Variants in PHACTR2 observed in about 807,000 individuals in gnomAD.
PHACTR2 encodes chromosome 6 open reading frame 56.
In PHACTR2, 30 loss-of-function variants were observed where a neutral mutation model predicts 76.0. The ratio of observed to expected loss-of-function variants is 0.39; its 90% CI spans 0.30 to 0.54. The LOEUF (loss-of-function observed/expected upper bound fraction) is 0.54. PHACTR2 is among the 20% of genes least tolerant of loss of function. PHACTR2 has a pLI of 0.61. For missense variants in PHACTR2, 696 were observed against 781.1 expected (o/e 0.89, Z 1.30); for synonymous variants, 292 against 292.5 (o/e 1.00, Z 0.02).
rs1323463283 is a variant in PHACTR2 at position 143,774,500 on chromosome 6, G to T, written c.1589+285G>T. 6.6e-6 allele frequency among the ~76,000 whole-genome samples: 1 copy of T among 152,170 alleles called. No individual in the cohort carries two copies. Among genetic ancestry groups the T allele is most frequent in the Non-Finnish European group, 1.5e-5 (1 of 68,026 alleles). ...CTTTGCTGGCCAGACAGTCTCTGTT[G>T]CAGCTACTCAACTGCGCTGCTGTAG... is the stretch of plus-strand genomic sequence containing the variant. On this transcript the variant is annotated intron_variant, in intron 8 of 12. Transcript: ENST00000440869. This position sits in a 1 kb window ranked among gnomAD's most constrained non-coding sequence, Gnocchi z 5.4.
chr6:143,676,570 C>T (rs928308703), upstream of PHACTR2, among the ~76,000 whole-genome samples: 3 of 152,074 alleles, frequency 2.0e-5, no homozygotes, highest in Non-Finnish European at 4.4e-5. This position sits in a 1 kb window ranked among gnomAD's most constrained non-coding sequence, Gnocchi z 4.8. Flanking sequence ...CTTACGGCAA[C>T]TCAAAGCAAA....
intron 1 of PHACTR2, among the ~76,000 whole-genome samples, chr6:143,614,268 G>A (rs1214307481): frequency 6.6e-6 from 1 of 152,086 alleles, no homozygotes; most frequent in Non-Finnish European, 1.5e-5. Flanking sequence ...TCCTGTGGGT[G>A]CTAATATTTG....
chr6:143,661,211 A>G (rs1776941474), intron 1 of PHACTR2, among the ~76,000 whole-genome samples: 1 of 152,246 alleles, frequency 6.6e-6, no homozygotes, highest in Admixed American at 6.5e-5. Context: ...TCACAGACCC[A>G]GGTGAGAAAT....
rs1451880635 is a variant in PHACTR2 at position 143,558,079 on chromosome 6, T to A, written c.217+20872T>A. The A allele has an allele frequency of 6.6e-6, 1 of 152,130 alleles. No individual in the cohort carries two copies. The highest frequency in any genetic ancestry group is 1.5e-5 in the Non-Finnish European group (1 of 68,038). 9.4% of individuals were successfully genotyped at this position (152,130 alleles called of 1,614,324 possible). A position where few individuals can be genotyped will look rare whatever the true frequency, so the allele number is the denominator to read the frequency against. On this transcript the variant is annotated intron_variant, in intron 1 of 11. Coordinates refer to the PHACTR2 transcript ENST00000367584. This position sits in a 1 kb window ranked among gnomAD's most constrained non-coding sequence, Gnocchi z 4.7. Reference sequence around the variant, plus strand: ...ATCCCACATGCTGCCTGGGAGCTTCTTCCTTGTCACCTAAGGTCCCTTATG... The same window carrying A: ...ATCCCACATGCTGCCTGGGAGCTTCATCCTTGTCACCTAAGGTCCCTTATG...
chr6:143,748,920 G>A, intron 2 of PHACTR2, 65 bp from the exon 3 acceptor site: 1 of 847,180 alleles, frequency 1.2e-6, no homozygotes, highest in Admixed American at 2.1e-5. Context: ...ATTCTACTTG[G>A]AATGTTTTTC....
rs9403502 is a variant in PHACTR2, at chr6:143,537,969, C to G, written c.217+762C>G. Among the ~76,000 whole-genome samples the G allele has an allele frequency of 0.11, 16,756 of 152,234 alleles. 1,142 individuals carry two copies. The highest frequency in any genetic ancestry group is 0.18 in the East Asian group (950 of 5,162). ...TACTAAAAATACAAAAAATTAGCCG[C>G]CGAGGCGGCGCATGCCTGTAGTCCT... is the stretch of plus-strand genomic sequence containing the variant. On this transcript the variant is annotated intron_variant, in intron 1 of 11. Transcript: ENST00000367584. This position sits in a 1 kb window ranked among gnomAD's most constrained non-coding sequence, Gnocchi z 4.4.
intron 1 of PHACTR2, among the ~76,000 whole-genome samples, chr6:143,609,510 T>TA (rs1775944267): frequency 6.6e-6 from 1 of 152,168 alleles, no homozygotes; most frequent in Non-Finnish European, 1.5e-5. Flanking sequence ...GTATATGGAT[T>TA]ATACCCCCAT....
chr6:143,652,914 C>G lies in PHACTR2; in HGVS notation c.13+44592C>G, dbSNP rs1314252867. The stretch of plus-strand genomic sequence containing the variant: ...CATGGTCCCTGTGCAGGCACTGCAC[C>G]CAGCACCTTCTCAGGAACATTCACA... On this transcript the variant is annotated intron_variant, in intron 1 of 11. Transcript: ENST00000305766. This position sits in a 1 kb window ranked among gnomAD's most constrained non-coding sequence, Gnocchi z 4.5. 1.3e-5 allele frequency among the ~76,000 whole-genome samples: 2 copies of G among 152,182 alleles called. No homozygotes were observed. Among genetic ancestry groups the G allele is most frequent in the Non-Finnish European group, 2.9e-5 (2 of 68,044 alleles).
intron 1 of PHACTR2, among the ~76,000 whole-genome samples, chr6:143,643,978 C>T (rs1776610676): frequency 6.6e-6 from 1 of 152,150 alleles, no homozygotes; most frequent in African/African-American, 2.4e-5. Flanking sequence ...GAAGAAGCAT[C>T]TGCCTACCCC....
At position 143,795,157 on chromosome 6, in the gene PHACTR2, T is replaced by A. The variant is rs11756208; in HGVS notation, c.1845+6247T>A. Among the ~76,000 whole-genome samples the A allele has an allele frequency of 6.6e-6, 1 of 152,068 alleles. No individual in the cohort carries two copies. Among genetic ancestry groups the A allele is most frequent in the African/African-American group, 2.4e-5 (1 of 41,402 alleles). On this transcript the variant is annotated intron_variant, in intron 11 of 12. Coordinates refer to ENST00000440869, the MANE Select transcript of PHACTR2 (RefSeq NM_001100164.2). This position sits in a 1 kb window ranked among gnomAD's most constrained non-coding sequence, Gnocchi z 4.8. ...GTCGGGGCACAATGACTCACACTTG[T>A]AATGTTAGCACTTTGGGAGGCCAAG...
chr6:143,789,418 C>T lies in PHACTR2; in HGVS notation c.1845+508C>T, dbSNP rs1198388798. The T allele has an allele frequency of 6.6e-6, 1 of 152,388 alleles. No homozygotes were observed. The highest frequency in any genetic ancestry group is 1.5e-5 in the Non-Finnish European group (1 of 68,182). The allele number at this position is 152,388 out of a possible 1,614,324, so 9.4% of individuals were successfully genotyped here. A position where few individuals can be genotyped will look rare whatever the true frequency, so the allele number is the denominator to read the frequency against. On this transcript the variant is annotated intron_variant, in intron 11 of 12. Coordinates refer to ENST00000440869, the MANE Select transcript of PHACTR2 (RefSeq NM_001100164.2). This position sits in a 1 kb window ranked among gnomAD's most constrained non-coding sequence, Gnocchi z 5.1. ...TGGATATGTATATGCTCCAATAAAA[C>T]TTTATCTACAAAAACAGATGGTGGG...
intron 1 of PHACTR2, among the ~76,000 whole-genome samples, chr6:143,631,851 AC>A (rs966405385): frequency 6.6e-6 from 1 of 152,138 alleles, no homozygotes; most frequent in African/African-American, 2.4e-5. Context: ...AATGATGGAA[AC>A]CCTAAGATTC....
At chr6:143,590,625 C>A (rs151129641) in intron 1 of PHACTR2, among the ~76,000 whole-genome samples, 12 of 151,988 alleles carry the variant, frequency 7.9e-5, no homozygotes, top group African/African-American at 2.9e-4. Flanking sequence ...CAAATGAACA[C>A]CATTCAGTGC....
chr6:143,678,940 A>T lies in PHACTR2; in HGVS notation c.46+731A>T, dbSNP rs1403223490. On this transcript the variant is annotated intron_variant, in intron 1 of 12. Transcript: ENST00000440869. This position sits in a 1 kb window ranked among gnomAD's most constrained non-coding sequence, Gnocchi z 6.2. ...CTGGCATTTCCCCGACAGTGTAGGGATAAAAAAAAAAAAAACTGTTTGGTG... is the reference window on the plus strand; with the variant it reads ...CTGGCATTTCCCCGACAGTGTAGGGTTAAAAAAAAAAAAAACTGTTTGGTG... Among the ~76,000 whole-genome samples the T allele has an allele frequency of 6.9e-6, 1 of 145,616 alleles. No individual in the cohort carries two copies. The highest frequency in any genetic ancestry group is 1.5e-5 in the Non-Finnish European group (1 of 67,874).
chr6:143,728,888 A>C (rs897742867), intron 2 of PHACTR2, among the ~76,000 whole-genome samples: 2 of 152,224 alleles, frequency 1.3e-5, no homozygotes, highest in Non-Finnish European at 2.9e-5. Context: ...AACTACTAGA[A>C]GAAAACATAG....
At chr6:143,667,804 A>T (rs1777067726) in intron 1 of PHACTR2, among the ~76,000 whole-genome samples, 1 of 152,110 alleles carries the variant, frequency 6.6e-6, no homozygotes, top group South Asian at 2.1e-4. Flanking sequence ...CTAAATATAC[A>T]ATCAAATCAT....
rs71024861 is a variant in PHACTR2 at position 143,627,606 on chromosome 6, CT to C, written c.13+19297del. Among the ~76,000 whole-genome samples the C allele has an allele frequency of 2.1e-4, 30 of 144,852 alleles. No individual in the cohort carries two copies. Among genetic ancestry groups the C allele is most frequent in the South Asian group, 2.2e-4 (1 of 4,592 alleles). ...CACAATGTTGTACAACCACCACTTC[CT>C]TTTTTTTTTTTTGAGAAGAAGTCTC... On this transcript the variant is annotated intron_variant, in intron 1 of 11. Coordinates refer to the PHACTR2 transcript ENST00000305766. The surrounding 1 kb of genome is among the most constrained non-coding windows in gnomAD (Gnocchi z 4.3).
chr6:143,826,096 G>A lies in PHACTR2; in HGVS notation c.*2407G>A, dbSNP rs1373196240. ...TTAGCCACTGCTAGTCTACTGTTTA[G>A]GTAATCGGAATCACCAATTATTTTA... On this transcript the variant is annotated 3_prime_UTR_variant, in exon 13 of 13. Transcript: ENST00000440869. 1.3e-5 allele frequency: 2 copies of A among 151,986 alleles called. No individual in the cohort carries two copies. Among genetic ancestry groups the A allele is most frequent in the Non-Finnish European group, 2.9e-5 (2 of 68,006 alleles). The allele number at this position is 151,986 out of a possible 1,614,324, so 9.4% of individuals were successfully genotyped here. A position where few individuals can be genotyped will look rare whatever the true frequency, so the allele number is the denominator to read the frequency against.
rs1168012710 is a variant in PHACTR2 at position 143,775,896 on chromosome 6, C to T, written c.1590-1432C>T. Among the ~76,000 whole-genome samples, 1 of 152,066 alleles carries T rather than the reference C, an allele frequency of 6.6e-6. No individual in the cohort carries two copies. The highest frequency in any genetic ancestry group is 1.5e-5 in the Non-Finnish European group (1 of 68,010). On this transcript the variant is annotated intron_variant, in intron 8 of 12. Coordinates refer to ENST00000440869, the MANE Select transcript of PHACTR2 (RefSeq NM_001100164.2). The surrounding 1 kb of genome is among the most constrained non-coding windows in gnomAD (Gnocchi z 4.4). ...TTGTAATCCCAGCACTTTGGGAGGCCAAGGCAGGCAGATCACCTGAGGTCA... is the reference window on the plus strand; with the variant it reads ...TTGTAATCCCAGCACTTTGGGAGGCTAAGGCAGGCAGATCACCTGAGGTCA...
Sources: allele counts gnomAD v4.1 joint callset (sites outside exome capture counted in the v4.1 genomes callset), GRCh38; gene constraint gnomAD v4.1.1; non-coding constraint Gnocchi (gnomAD v3.1); transcripts MANE v1.5; gene names NCBI Gene and HGNC (gene_info 2026-07-23, HGNC 2026-07-21).